Variants in SORCS1 observed in about 807,000 individuals in gnomAD.
SORCS1 encodes sortilin related VPS10 domain containing receptor 1.
In SORCS1, 60 loss-of-function variants were observed where a neutral mutation model predicts 146.1. The observed-to-expected ratio is 0.41, with a 90% CI of 0.33 to 0.51. The LOEUF (loss-of-function observed/expected upper bound fraction) is 0.51, where lower values mean the gene tolerates loss of function less well. Ranked by LOEUF, SORCS1 falls within the 20% of genes least tolerant of loss-of-function variation. The pLI is 0.21. For missense variants in SORCS1, 1,352 were observed against 1,487.6 expected, an observed-to-expected ratio of 0.91 and a Z score of 1.50; for synonymous variants, 637 against 584.0, an observed-to-expected ratio of 1.09 and a Z score of -1.31.
chr10:107,179,204 C>T, the SORCS1 span, among the ~76,000 whole-genome samples: 5 of 152,150 alleles, frequency 3.3e-5, no homozygotes, highest in Non-Finnish European at 7.4e-5. Flanking sequence ...TTGCATTTCC[C>T]TGACGATTAG....
chr10:107,139,467 G>A (rs552415119), intron 1 of SORCS1, among the ~76,000 whole-genome samples: 68 of 152,306 alleles, frequency 4.5e-4, no homozygotes, highest in African/African-American at 1.6e-3. Context: ...ATTGGTGACT[G>A]CAGTGAGCTC....
intron 17 of SORCS1, among the ~76,000 whole-genome samples, chr10:106,656,984 A>G (rs1850343793): frequency 6.6e-6 from 1 of 152,188 alleles, no homozygotes; most frequent in South Asian, 2.1e-4. Context: ...GAGAACGCTT[A>G]TATATGGGGT....
intron 17 of SORCS1, among the ~76,000 whole-genome samples, chr10:106,666,137 G>T (rs574802162): frequency 3.3e-5 from 5 of 152,230 alleles, no homozygotes; most frequent in Non-Finnish European, 7.4e-5. Context: ...ACTGCACCCG[G>T]CCACTTCTAT....
At chr10:106,827,720 T>C (rs1329790515) in intron 3 of SORCS1, among the ~76,000 whole-genome samples, 1 of 152,228 alleles carries the variant, frequency 6.6e-6, no homozygotes, top group Non-Finnish European at 1.5e-5. Context: ...GTGTAATTGT[T>C]GATGAAGTAG....
At position 106,583,660 on chromosome 10, in the gene SORCS1, C is replaced by T. The variant is rs145717808; in HGVS notation, c.3266-4186G>A. Among the ~76,000 whole-genome samples the T allele has an allele frequency of 9.3e-3, 1,420 of 152,118 alleles. 17 individuals carry two copies. The highest frequency in any genetic ancestry group is 0.013 in the Admixed American group (204 of 15,282). ...CTGAGATTACAGGCACCTGCCACCA[C>T]GCATGGCTAATTTTTTTTTTTGTAC... On this transcript the variant is annotated intron_variant, in intron 24 of 25. Transcript: ENST00000263054.
chr10:107,054,197 T>TA (rs1960385713), intron 1 of SORCS1, among the ~76,000 whole-genome samples: 1 of 152,172 alleles, frequency 6.6e-6, no homozygotes, highest in Non-Finnish European at 1.5e-5. Context: ...AAACTAGAAG[T>TA]AAAAATATTC....
chr10:107,090,669 G>A (rs1463216220), intron 1 of SORCS1, among the ~76,000 whole-genome samples: 1 of 152,118 alleles, frequency 6.6e-6, no homozygotes, highest in Non-Finnish European at 1.5e-5. Flanking sequence ...TGCTTAGCTG[G>A]GGTTGGGAGA....
chr10:106,620,369 G>A, intron 20 of SORCS1, 59 bp downstream of exon 20: 2 of 1,566,294 alleles, frequency 1.3e-6, no homozygotes, highest in Non-Finnish European at 8.7e-7. Flanking sequence ...TCCCTCCTTT[G>A]CTTCAGGCAG....
chr10:107,178,490 A>G, the SORCS1 span, among the ~76,000 whole-genome samples: 419 of 149,318 alleles, frequency 2.8e-3, 1 homozygote, highest in African/African-American at 9.5e-3. Flanking sequence ...ATTATTTTAT[A>G]TATATATATA....
At chr10:107,175,101 A>C in the SORCS1 span, among the ~76,000 whole-genome samples, 1 of 152,244 alleles carries the variant, frequency 6.6e-6, no homozygotes, top group East Asian at 1.9e-4. Flanking sequence ...TTCCTAGAAC[A>C]AACTCCACTT....
At position 107,032,966 on chromosome 10, in the gene SORCS1, T is replaced by G. The variant is rs74154834; in HGVS notation, c.559-76386A>C. On this transcript the variant is annotated intron_variant, in intron 1 of 25. Transcript: ENST00000263054. ...CCTGTACAACGAGCTCACCATCTTC[T>G]TTTTTAAAGGACGGCATATGTATTT... is the stretch of plus-strand genomic sequence containing the variant. Among the ~76,000 whole-genome samples, 786 of 152,250 alleles carry G rather than the reference T, an allele frequency of 5.2e-3. 9 individuals carry two copies. The highest frequency in any genetic ancestry group is 0.018 in the African/African-American group (745 of 41,556).
intron 2 of SORCS1, among the ~76,000 whole-genome samples, chr10:106,898,076 G>A (rs770636054): frequency 4.6e-5 from 7 of 152,170 alleles, no homozygotes; most frequent in Non-Finnish European, 7.4e-5. Flanking sequence ...ATTGCCTGAC[G>A]ATGTTTATTT....
At chr10:106,683,876 G>A (rs1214689296) in intron 10 of SORCS1, among the ~76,000 whole-genome samples, 1 of 152,198 alleles carries the variant, frequency 6.6e-6, no homozygotes, top group East Asian at 1.9e-4. Context: ...AGAGGAAGGA[G>A]GCCCCTGGAA....
chr10:106,716,911 G>GCC (rs1295247337), intron 6 of SORCS1, among the ~76,000 whole-genome samples: 1 of 152,060 alleles, frequency 6.6e-6, no homozygotes, highest in Non-Finnish European at 1.5e-5. Context: ...CGAGGCGGGT[G>GCC]GATCACTTGA....
In SORCS1 at chr10:106,960,399, C is replaced by A. The variant is rs1955165518; in HGVS notation, c.559-3819G>T. Among the ~76,000 whole-genome samples the A allele has an allele frequency of 6.7e-6, 1 of 148,322 alleles. No homozygotes were observed. Among genetic ancestry groups the A allele is most frequent in the Admixed American group, 6.6e-5 (1 of 15,076 alleles). On this transcript the variant is annotated intron_variant, in intron 1 of 25. Coordinates refer to ENST00000263054, the MANE Select transcript of SORCS1 (RefSeq NM_052918.5). This position sits in a 1 kb window ranked among gnomAD's most constrained non-coding sequence, Gnocchi z 4.4. ...ACTTCACTTGGTCCATACGTTTTCT[C>A]TTTTTCTTTTTCTTTTTTTTTTTTG...
Position 106,945,848 on chromosome 10 carries a change from G to C in SORCS1, c.626+10665C>G, listed in dbSNP as rs567966618. On this transcript the variant is annotated intron_variant, in intron 2 of 25. Coordinates refer to ENST00000263054, the MANE Select transcript of SORCS1 (RefSeq NM_052918.5). ...AAGCTGAGGCCAGACTCTCACAGAT[G>C]GTCTCACACATCTCAGGAAGGTCTA... 5.1e-4 allele frequency among the ~76,000 whole-genome samples: 78 copies of C among 152,266 alleles called. 1 individual carries two copies. The South Asian group carries it at 0.016, about 31-fold the overall frequency.
chr10:106,620,621 CCTGCT>C, intron 19 of SORCS1, 60 bp from the exon 20 acceptor site: 1 of 1,584,464 alleles, frequency 6.3e-7, no homozygotes, highest in Non-Finnish European at 8.6e-7. Flanking sequence ...CTCTGTCCTC[CCTGCT>C]CTGAAGAGAT....
At chr10:106,748,545 T>C (rs1857916501) in intron 5 of SORCS1, among the ~76,000 whole-genome samples, 1 of 152,204 alleles carries the variant, frequency 6.6e-6, no homozygotes, top group Non-Finnish European at 1.5e-5. Context: ...AACATTCACT[T>C]ATTCGTGCTA....
chr10:107,086,828 G>A (rs938621602), intron 1 of SORCS1, among the ~76,000 whole-genome samples: 6 of 152,210 alleles, frequency 3.9e-5, no homozygotes, highest in African/African-American at 1.4e-4. Context: ...AGGAGATCGA[G>A]ACCATCCTGG....
Sources: gnomAD v4.1 joint callset for allele counts (sites outside exome capture counted in the v4.1 genomes callset) on GRCh38, gnomAD v4.1.1 for gene constraint, Gnocchi (gnomAD v3.1) non-coding constraint, MANE v1.5 for transcripts, NCBI Gene and HGNC (gene_info 2026-07-23, HGNC 2026-07-21) for gene names.